Variants in CEP120 observed in about 807,000 individuals in gnomAD.
CEP120 encodes the protein centrosomal protein 120, also known as centrosomal protein of 120 kDa.
CEP120 carries 113 observed loss-of-function variants against 126.5 expected under a neutral mutation model. The ratio of observed to expected loss-of-function variants is 0.89; its 90% CI spans 0.77 to 1.04. The LOEUF is 1.04. Ranked by LOEUF, CEP120 falls within the 50% of genes least tolerant of loss-of-function variation. The pLI, the probability that CEP120 is intolerant of heterozygous loss-of-function variation, is 0.00. For synonymous variants in CEP120, 400 were observed against 394.3 expected (o/e 1.01, Z -0.17); for missense variants, 1,230 against 1,155.7 (o/e 1.06, Z -0.93).
intron 18 of CEP120, among the ~76,000 whole-genome samples, chr5:123,357,842 A>T (rs1769755428): frequency 6.6e-6 from 1 of 152,158 alleles, no homozygotes; most frequent in Non-Finnish European, 1.5e-5. Flanking sequence ...ACTTGGGGCC[A>T]ACCAAACTGA....
rs750013599 is a variant in CEP120 at position 123,418,443 on chromosome 5, G to C, written c.122C>G (p.Thr41Ser). The change falls in exon 2 of 20, where the codon ACT becomes AGT. Residue 41 changes from threonine to serine, a missense_variant. Coordinates refer to ENST00000306467, the MANE Select transcript of CEP120 (RefSeq NM_001375405.1). ...EAKFDGEQLA[T>S]DPVDHTDQPE... The stretch of plus-strand genomic sequence containing the variant: ...CTGGTCAGTGTGGTCCACAGGATCA[G>C]TAGCCAACTGTTCTCCATCAAACTT... The C allele has an allele frequency of 6.2e-7, 1 of 1,612,768 alleles. No homozygotes were observed. The highest frequency in any genetic ancestry group is 8.5e-7 in the Non-Finnish European group (1 of 1,178,990).
At chr5:123,406,563 G>C (rs1222284674) in intron 4 of CEP120, among the ~76,000 whole-genome samples, 2 of 145,034 alleles carry the variant, frequency 1.4e-5, no homozygotes, top group Non-Finnish European at 3.0e-5. Context: ...AAGAAGGGTA[G>C]AGTGAAGTAT....
chr5:123,353,869 T>C (rs531294808), intron 18 of CEP120, among the ~76,000 whole-genome samples: 19 of 151,984 alleles, frequency 1.3e-4, no homozygotes, highest in Non-Finnish European at 2.6e-4. Flanking sequence ...TAAGGCGGGG[T>C]TGGGGTCCTT....
intron 3 of CEP120, 59 bp from the exon 4 acceptor site, chr5:123,412,599 G>A: frequency 7.9e-7 from 1 of 1,267,174 alleles, no homozygotes; most frequent in Non-Finnish European, 1.1e-6. Context: ...AACATATTGG[G>A]AAATGCTATA....
In CEP120 at chr5:123,414,971, C is replaced by CAAAAAAAA. The variant is rs56756568; in HGVS notation, c.321+1031_321+1038dup. Among the ~76,000 whole-genome samples the CAAAAAAAA allele has an allele frequency of 3.2e-4, 13 of 40,662 alleles. 1 individual carries two copies. Among genetic ancestry groups the CAAAAAAAA allele is most frequent in the African/African-American group, 1.5e-3 (13 of 8,648 alleles). The allele number at this position is 40,662 out of a possible 152,430, so 26.7% of individuals were successfully genotyped here. A position where few individuals can be genotyped will look rare whatever the true frequency, so the allele number is the denominator to read the frequency against. ...TGGGCAACAGAGCAAGACTCCATCT[C>CAAAAAAAA]AAAAAAAAAAAAAAAAAAAAAAAAA... On this transcript the variant is annotated intron_variant, in intron 3 of 19. Coordinates refer to ENST00000306467, the MANE Select transcript of CEP120 (RefSeq NM_001375405.1).
chr5:123,390,716 G>A (rs766647445), intron 7 of CEP120, among the ~76,000 whole-genome samples: 5 of 152,122 alleles, frequency 3.3e-5, no homozygotes, highest in African/African-American at 1.2e-4. Context: ...AGAGTATGAG[G>A]ACTACAAAGC....
chr5:123,400,062 A>G (rs1431997699), intron 4 of CEP120, among the ~76,000 whole-genome samples: 1 of 152,212 alleles, frequency 6.6e-6, no homozygotes, highest in Non-Finnish European at 1.5e-5. Flanking sequence ...AACCAATTAG[A>G]GGGTGATATA....
Position 123,377,360 on chromosome 5 carries a change from G to A in CEP120, c.2358+14C>T, listed in dbSNP as rs114558677. 297 of 1,602,440 alleles carry A rather than the reference G, an allele frequency of 1.9e-4. 1 individual carries two copies. The African/African-American group carries it at 3.8e-3, about 21-fold the overall frequency. Reference sequence around the variant, plus strand: ...TAAACTAAGCATAAAAAGATGACAAGTACGTTATCCAACCTGTTGCTGAAG... The same window carrying A: ...TAAACTAAGCATAAAAAGATGACAAATACGTTATCCAACCTGTTGCTGAAG... On this transcript the variant is annotated intron_variant, in intron 16 of 19. Transcript: ENST00000306467.
intron 17 of CEP120, among the ~76,000 whole-genome samples, chr5:123,369,978 C>G (rs1399455882): frequency 6.6e-6 from 1 of 151,834 alleles, no homozygotes; most frequent in Non-Finnish European, 1.5e-5. Context: ...AATTTTGTAC[C>G]AAGATGACAA....
At chr5:123,409,756 G>C (rs1773913811) in intron 4 of CEP120, among the ~76,000 whole-genome samples, 2 of 152,208 alleles carry the variant, frequency 1.3e-5, no homozygotes, top group South Asian at 4.2e-4. Flanking sequence ...TCAGTAGTTT[G>C]AGAATGGCCT....
chr5:123,422,604 G>T, intron 1 of CEP120: 1 of 1,445,496 alleles, frequency 6.9e-7, no homozygotes, highest in Non-Finnish European at 9.4e-7. Flanking sequence ...TCTTACAAGT[G>T]CTATTATTGG....
rs1259129820 is a variant in CEP120, at chr5:123,385,105, T to C, written c.1609A>G (p.Lys537Glu). The C allele has an allele frequency of 1.2e-6, 2 of 1,613,058 alleles. No homozygotes were observed. The highest frequency in any genetic ancestry group is 1.7e-6 in the Non-Finnish European group (2 of 1,179,546). The change falls in exon 11 of 20, where the codon AAG (lysine) becomes GAG (glutamate). Residue 537 changes from lysine (K) to glutamate (E), a missense_variant. Coordinates refer to ENST00000306467, the MANE Select transcript of CEP120 (RefSeq NM_001375405.1). ...AGTAAATCTTTACTCATTTTATCCT[T>C]GTGCCATAGTTCAACCAGTAATGGA... ...RIPLLVELWH[K>E]DKMSKDLLLG...
In CEP120 at chr5:123,388,891, A is replaced by C. The variant is rs545035776; in HGVS notation, c.1256-285T>G. 2.0e-5 allele frequency among the ~76,000 whole-genome samples: 3 copies of C among 152,370 alleles called. No individual in the cohort carries two copies. The South Asian group carries it at 6.2e-4, about 32-fold the overall frequency. On this transcript the variant is annotated intron_variant, in intron 8 of 19. Coordinates refer to ENST00000306467, the MANE Select transcript of CEP120 (RefSeq NM_001375405.1). ...GAAATATACATGACTGCAGCCTAGAAGGCACTAACTTATTTCCAAGAGGCA... is the reference window on the plus strand; with the variant it reads ...GAAATATACATGACTGCAGCCTAGACGGCACTAACTTATTTCCAAGAGGCA...
At chr5:123,349,683 G>A (rs1010730784) in intron 19 of CEP120, among the ~76,000 whole-genome samples, 1 of 152,030 alleles carries the variant, frequency 6.6e-6, no homozygotes, top group African/African-American at 2.4e-5. Context: ...CTGTCACTCA[G>A]GCTGGAGTGC....
At chr5:123,354,868 T>C (rs147417442) in intron 18 of CEP120, among the ~76,000 whole-genome samples, 3 of 152,136 alleles carry the variant, frequency 2.0e-5, no homozygotes, top group East Asian at 1.9e-4. Flanking sequence ...ATGTGCCATG[T>C]TGGTGTGCTG....
chr5:123,374,404 G>C (rs933048651), intron 16 of CEP120, among the ~76,000 whole-genome samples: 3 of 152,000 alleles, frequency 2.0e-5, no homozygotes, highest in Admixed American at 2.0e-4. Context: ...AGATAGCCTT[G>C]ACTAAACATT....
intron 1 of CEP120, among the ~76,000 whole-genome samples, chr5:123,421,287 G>T (rs532808833): frequency 6.6e-6 from 1 of 152,188 alleles, no homozygotes; most frequent in Admixed American, 6.5e-5. Flanking sequence ...CACCCACCAT[G>T]CTCACCCCGG....
chr5:123,382,996 T>G lies in CEP120; in HGVS notation c.1850A>C (p.Asp617Ala). Residue 617 changes from aspartate (D) to alanine (A), a missense_variant, in exon 12 of 20, where the codon GAT becomes GCT. By Grantham distance (126) the Asp-to-Ala change is moderately radical. Transcript: ENST00000306467. ...TTCAATTATATTTACCTGAGATGAA[T>G]CAGAGATAAAAATCTCACGCATTTT... ...LVKMREIFIS[D>A]SSQGVSAVQQ... is the part of the protein sequence containing the mutation. 4 of 1,542,306 alleles carry G rather than the reference T, an allele frequency of 2.6e-6. No individual in the cohort carries two copies. Among genetic ancestry groups the G allele is most frequent in the Non-Finnish European group, 3.6e-6 (4 of 1,117,434 alleles).
intron 4 of CEP120, among the ~76,000 whole-genome samples, chr5:123,407,113 A>AC (rs944306320): frequency 1.2e-4 from 18 of 151,386 alleles, no homozygotes; most frequent in Non-Finnish European, 2.4e-4. Context: ...AGTAAAAAAA[A>AC]AAAAAACAAA....
Sources: gnomAD v4.1 joint callset for allele counts (sites outside exome capture counted in the v4.1 genomes callset) on GRCh38, gnomAD v4.1.1 for gene constraint, MANE v1.5 for transcripts, NCBI Gene and HGNC (gene_info 2026-07-23, HGNC 2026-07-21) for gene names.